CDH13: variants seen among roughly 807,000 people sequenced by gnomAD.
CDH13 encodes cadherin-13.
A neutral mutation model predicts 63.8 loss-of-function variants in CDH13; 24 were observed. The ratio of observed to expected loss-of-function variants is 0.38; its 90% CI spans 0.27 to 0.53. The LOEUF (loss-of-function observed/expected upper bound fraction) is 0.53, where lower values mean the gene tolerates loss of function less well. CDH13 is among the 20% of genes least tolerant of loss of function. The pLI is 0.85. For synonymous variants in CDH13, 503 were observed against 355.3 expected, an observed-to-expected ratio of 1.42 and a Z score of -4.67; for missense variants, 1,049 against 903.1, an observed-to-expected ratio of 1.16 and a Z score of -2.07.
intron 8 of CDH13, among the ~76,000 whole-genome samples, chr16:83,617,234 G>A (rs1909358720): frequency 6.6e-6 from 1 of 152,252 alleles, no homozygotes. Flanking sequence ...TATTATTCAT[G>A]CAGCAAATAC....
chr16:82,940,236 A>T (rs1417957802), intron 2 of CDH13, among the ~76,000 whole-genome samples: 1 of 152,232 alleles, frequency 6.6e-6, no homozygotes, highest in Non-Finnish European at 1.5e-5. Flanking sequence ...GGAAGACATC[A>T]GTATAAATCC....
intron 4 of CDH13, among the ~76,000 whole-genome samples, chr16:83,180,503 G>T (rs967794621): frequency 6.6e-6 from 1 of 152,162 alleles, no homozygotes; most frequent in Non-Finnish European, 1.5e-5. Flanking sequence ...CTCACCTTTT[G>T]GTGGTAGCTA....
chr16:82,870,331 G>A (rs1216299661), intron 2 of CDH13, among the ~76,000 whole-genome samples: 3 of 152,094 alleles, frequency 2.0e-5, no homozygotes, highest in Non-Finnish European at 2.9e-5. Context: ...GCTGGTGAGG[G>A]GGTGGAGAAA....
intron 8 of CDH13, among the ~76,000 whole-genome samples, chr16:83,630,555 C>T (rs373151175): frequency 6.6e-6 from 1 of 152,126 alleles, no homozygotes; most frequent in Non-Finnish European, 1.5e-5. Context: ...TGATCAAAGA[C>T]GGCGGTAGAG....
intron 1 of CDH13, chr16:82,689,159 C>A (rs897006436): frequency 7.7e-6 from 1 of 129,344 alleles, no homozygotes; most frequent in Non-Finnish European, 1.6e-5. Context: ...TTGCCTGCAT[C>A]CAAACATTTT....
At chr16:83,123,567 C>G (rs965583133) in intron 3 of CDH13, among the ~76,000 whole-genome samples, 1 of 152,216 alleles carries the variant, frequency 6.6e-6, no homozygotes, top group Non-Finnish European at 1.5e-5. Context: ...GCGTGAGCCA[C>G]TGCATCTGGC....
At chr16:83,517,495 C>G (rs777663118) in intron 7 of CDH13, among the ~76,000 whole-genome samples, 4 of 152,162 alleles carry the variant, frequency 2.6e-5, no homozygotes, top group Non-Finnish European at 5.9e-5. Flanking sequence ...TCCTTTGTGC[C>G]TGTGGCAGAA....
rs73609725 is a variant in CDH13, at chr16:83,602,978, C to G, written c.1101+384C>G. On this transcript the variant is annotated intron_variant, in intron 8 of 13. Coordinates refer to ENST00000567109, the MANE Select transcript of CDH13 (RefSeq NM_001257.5). ...GTGCAGATTGAGAGGCCAGACGGAA[C>G]AGTAGCAAGGAGGTAAAGCAGATTT... Among the ~76,000 whole-genome samples, 1,308 of 152,222 alleles carry G rather than the reference C, an allele frequency of 8.6e-3. 16 individuals carry two copies. The highest frequency in any genetic ancestry group is 0.029 in the African/African-American group (1,221 of 41,532).
Position 83,000,740 on chromosome 16 carries a change from C to T in CDH13, c.158-31270C>T, listed in dbSNP as rs904395411. On this transcript the variant is annotated intron_variant, in intron 2 of 13. Coordinates refer to ENST00000567109, the MANE Select transcript of CDH13 (RefSeq NM_001257.5). ...GATTACAGGTACCCGCCACCATGCC[C>T]GGCTAATTTTTTGTATTTTTAGTAG... 3.9e-5 allele frequency among the ~76,000 whole-genome samples: 6 copies of T among 151,924 alleles called. No homozygotes were observed. In the East Asian group the frequency reaches 5.8e-4, roughly 15 times the overall value.
At chr16:83,284,982 T>A (rs1432214004) in intron 5 of CDH13, among the ~76,000 whole-genome samples, 1 of 152,194 alleles carries the variant, frequency 6.6e-6, no homozygotes, top group African/African-American at 2.4e-5. Flanking sequence ...CCAGCTTCTA[T>A]ACACACTCTC....
chr16:83,746,927 A>G (rs1912638031), intron 10 of CDH13, among the ~76,000 whole-genome samples: 1 of 152,224 alleles, frequency 6.6e-6, no homozygotes, highest in Non-Finnish European at 1.5e-5. Context: ...AAAATCTTGG[A>G]TGGTTTCCCA....
At chr16:82,782,041 G>A (rs1013341865) in intron 1 of CDH13, among the ~76,000 whole-genome samples, 1 of 152,204 alleles carries the variant, frequency 6.6e-6, no homozygotes. Context: ...ACAACAGCAG[G>A]AAATTAAGTA....
chr16:83,086,764 A>G (rs891143411), intron 3 of CDH13, among the ~76,000 whole-genome samples: 10 of 152,218 alleles, frequency 6.6e-5, no homozygotes, highest in Non-Finnish European at 1.2e-4. Flanking sequence ...CACACAAAAT[A>G]AAACAAGCAA....
intron 2 of CDH13, among the ~76,000 whole-genome samples, chr16:82,921,713 A>G (rs1272359636): frequency 6.6e-6 from 1 of 152,034 alleles, no homozygotes; most frequent in South Asian, 2.1e-4. Flanking sequence ...TTCTTTAGAT[A>G]TCTTTAAATG....
At chr16:83,033,519 A>G (rs952196613) in intron 3 of CDH13, among the ~76,000 whole-genome samples, 5 of 152,106 alleles carry the variant, frequency 3.3e-5, no homozygotes, top group Admixed American at 3.3e-4. Flanking sequence ...TATACTGTGT[A>G]TATGTATGTG....
chr16:82,819,038 A>G (rs897321436), intron 1 of CDH13, among the ~76,000 whole-genome samples: 4 of 152,218 alleles, frequency 2.6e-5, no homozygotes, highest in East Asian at 1.9e-4. Context: ...ATCATCTGGC[A>G]TGTGTGATTG....
intron 6 of CDH13, among the ~76,000 whole-genome samples, chr16:83,394,405 G>T (rs1160650059): frequency 6.6e-6 from 1 of 152,152 alleles, no homozygotes; most frequent in Non-Finnish European, 1.5e-5. Flanking sequence ...ATAACTGGAG[G>T]TACAGCAGGC....
intron 1 of CDH13, among the ~76,000 whole-genome samples, chr16:82,684,699 T>C (rs536453652): frequency 5.9e-5 from 9 of 152,246 alleles, no homozygotes; most frequent in African/African-American, 1.9e-4. Flanking sequence ...TTGATCCTTT[T>C]TCCAAATGAT....
chr16:83,180,801 G>A, intron 4 of CDH13: 1 of 1,021,390 alleles, frequency 9.8e-7, no homozygotes, highest in Non-Finnish European at 1.5e-6. Flanking sequence ...CCATGATGCT[G>A]TAGTCATTTG....
Sources: gnomAD v4.1 joint callset for allele counts (sites outside exome capture counted in the v4.1 genomes callset) on GRCh38, gnomAD v4.1.1 for gene constraint, MANE v1.5 for transcripts, NCBI Gene and HGNC (gene_info 2026-07-23, HGNC 2026-07-21) for gene names.